SH3TC2: variants seen among roughly 807,000 people sequenced by gnomAD.
SH3TC2 encodes the protein SH3 domain and tetratricopeptide repeats 2, also known as SH3 domain and tetratricopeptide repeat-containing protein 2.
A neutral mutation model predicts 124.5 loss-of-function variants in SH3TC2; 87 were observed. The observed-to-expected ratio is 0.70, with a 90% CI of 0.59 to 0.84. The LOEUF (loss-of-function observed/expected upper bound fraction) is 0.84, where lower values mean the gene tolerates loss of function less well. SH3TC2 is among the 40% of genes least tolerant of loss of function. The pLI, the probability that SH3TC2 is intolerant of heterozygous loss-of-function variation, is 0.00. For missense variants in SH3TC2, 1,536 were observed against 1,566.4 expected (o/e 0.98, Z 0.33); for synonymous variants, 634 against 628.5 (o/e 1.01, Z -0.13).
At chr5:149,061,986 G>A (rs1430226192) in intron 1 of SH3TC2, among the ~76,000 whole-genome samples, 1 of 152,006 alleles carries the variant, frequency 6.6e-6, no homozygotes, top group Non-Finnish European at 1.5e-5. Context: ...GGTTGTTTTG[G>A]GTTCACTTTA....
At position 149,024,129 on chromosome 5, in the gene SH3TC2, C is replaced by T. The variant is rs75616529; in HGVS notation, c.3053+2443G>A. ...GACCAAAAAGCCTGCCTCCAAGCTG[C>T]AAACACCTTTCTTTCCTTACCTGAG... On this transcript the variant is annotated intron_variant, in intron 12 of 16. Coordinates refer to ENST00000515425, the MANE Select transcript of SH3TC2 (RefSeq NM_024577.4). Among the ~76,000 whole-genome samples, 1,346 of 152,288 alleles carry T rather than the reference C, an allele frequency of 8.8e-3. 12 individuals are homozygous for T. The highest frequency in any genetic ancestry group is 0.031 in the African/African-American group (1,268 of 41,550).
rs1196046270 is a variant in SH3TC2 at position 149,028,129 on chromosome 5, C to G, written c.1603G>C (p.Gly535Arg). Reference sequence around the variant, plus strand: ...TTGACCTTCCTGATGCTCAGCCGGCCCAGGAGGAAGCAGAGACGGGCATGG... The same window carrying G: ...TTGACCTTCCTGATGCTCAGCCGGCGCAGGAGGAAGCAGAGACGGGCATGG... ...WAHARLCFLL[G>R]RLSIRKVKLS... Residue 535 changes from glycine (G) to arginine (R), a missense_variant, in exon 11 of 17, where the codon GGC becomes CGC. Transcript: ENST00000515425. 2 of 1,613,976 alleles carry G rather than the reference C, an allele frequency of 1.2e-6. No individual in the cohort carries two copies. Among genetic ancestry groups the G allele is most frequent in the Admixed American group, 1.7e-5 (1 of 60,014 alleles).
At chr5:149,035,558 T>A (rs1283229360) in intron 8 of SH3TC2, 3 of 152,566 alleles carry the variant, frequency 2.0e-5, no homozygotes, top group Admixed American at 1.3e-4. Flanking sequence ...TCAAAACCCA[T>A]CCCTCTGTTG....
At chr5:149,025,834 A>G (rs1754053408) in intron 12 of SH3TC2, 1 of 152,272 alleles carries the variant, frequency 6.6e-6, no homozygotes. Flanking sequence ...GGTAGTCCTA[A>G]AAAATCAATC....
intron 12 of SH3TC2, among the ~76,000 whole-genome samples, chr5:149,014,342 T>C (rs746489631): frequency 6.6e-6 from 1 of 152,292 alleles, no homozygotes; most frequent in Admixed American, 6.5e-5. Context: ...CAGTAAACCA[T>C]GCAACTCTTC....
intron 5 of SH3TC2, 134 bp downstream of exon 5, chr5:149,042,560 T>C (rs1754389446): frequency 9.3e-7 from 1 of 1,071,530 alleles, no homozygotes; most frequent in African/African-American, 1.6e-5. Context: ...AAAGTACTAT[T>C]ATAACAGGTG....
At chr5:149,033,527 G>C (rs967790717) in intron 8 of SH3TC2, among the ~76,000 whole-genome samples, 1 of 152,200 alleles carries the variant, frequency 6.6e-6, no homozygotes, top group Non-Finnish European at 1.5e-5. Flanking sequence ...GGTGGTTTCA[G>C]CTGGGACTCT....
rs773045578 is a variant in SH3TC2, at chr5:149,008,927, C to T, written c.3402G>A (p.Glu1134=). 1 of 1,614,244 alleles carries T rather than the reference C, an allele frequency of 6.2e-7. No individual in the cohort carries two copies. The highest frequency in any genetic ancestry group is 8.5e-7 in the Non-Finnish European group (1 of 1,180,052). The change falls in exon 15 of 17, where the codon GAG becomes GAA. Residue 1134 remains glutamate, a synonymous_variant. Transcript: ENST00000515425. ...CATAGCCTTCGAGGCTAATCTGCAG[C>T]TCTGTCAGCTTATTGAAAATCCGGA... The part of the protein sequence containing the change: ...TELRIFNKLT[E]LQISLEGYEK...
At position 149,027,169 on chromosome 5, in the gene SH3TC2, C is replaced by T. The variant is rs1253383186; in HGVS notation, c.2563G>A (p.Ala855Thr). ...AAGGCCCGAAGATAGCTCTTGGCTG[C>T]CCTGTTCACCCGGCCTTCACCTTGG... Reference protein sequence around the residue: ...ALQGEGRVNRAAKSYLRALNR... With the variant: ...ALQGEGRVNRTAKSYLRALNR... Residue 855 changes from alanine to threonine, a missense_variant, in exon 11 of 17, where the codon GCA (alanine) becomes ACA (threonine). Physicochemically the swap from Ala to Thr is moderately conservative, Grantham distance 58 (BLOSUM62 0). This residue lies in a region of SH3TC2 where 1,102 missense variants were observed against 1,098.6 expected (regional missense o/e 1.00). Coordinates refer to ENST00000515425, the MANE Select transcript of SH3TC2 (RefSeq NM_024577.4). The T allele has an allele frequency of 1.2e-6, 2 of 1,614,198 alleles. No homozygotes were observed. Among genetic ancestry groups the T allele is most frequent in the South Asian group, 2.2e-5 (2 of 91,074 alleles).
chr5:149,044,744 AT>A, intron 3 of SH3TC2, 106 bp from the exon 4 acceptor site: 1 of 818,684 alleles, frequency 1.2e-6, no homozygotes, highest in Non-Finnish European at 2.1e-6. Context: ...TATGGCATTG[AT>A]TTTTACGTCA....
chr5:149,023,996 A>G (rs1754022398), intron 12 of SH3TC2, among the ~76,000 whole-genome samples: 1 of 152,162 alleles, frequency 6.6e-6, no homozygotes, highest in African/African-American at 2.4e-5. Flanking sequence ...GAAAAGATGC[A>G]CTGTGTTCTG....
rs1469875309 is a variant in SH3TC2 at position 149,027,039 on chromosome 5, T to C, written c.2693A>G (p.Tyr898Cys). ...KSWAQHPARN[Y>C]LLQAVRLYCE... is the part of the protein sequence containing the mutation. ...ATAGAGTCGTACAGCCTGCAGGAGATAGTTTCTGGCTGGATGCTGAGCCCA... is the reference window on the plus strand; with the variant it reads ...ATAGAGTCGTACAGCCTGCAGGAGACAGTTTCTGGCTGGATGCTGAGCCCA... The change falls in exon 11 of 17, where the codon TAT (tyrosine) becomes TGT (cysteine). Residue 898 changes from tyrosine to cysteine, a missense_variant. This residue lies in a region of SH3TC2 where 1,102 missense variants were observed against 1,098.6 expected (regional missense o/e 1.00). Coordinates refer to ENST00000515425, the MANE Select transcript of SH3TC2 (RefSeq NM_024577.4). The C allele has an allele frequency of 1.2e-6, 2 of 1,614,026 alleles. No individual in the cohort carries two copies. The highest frequency in any genetic ancestry group is 2.2e-5 in the East Asian group (1 of 44,894).
Position 148,987,155 on chromosome 5 carries a change from T to A in SH3TC2, c.*17556A>T, listed in dbSNP as rs1019793150. ...AATGTGTAAATCAAATGCTTCTAAATTTAATTTGATTTAAATTATTTTAAC... is the reference window on the plus strand; with the variant it reads ...AATGTGTAAATCAAATGCTTCTAAAATTAATTTGATTTAAATTATTTTAAC... On this transcript the variant is annotated 3_prime_UTR_variant, in exon 17 of 17. Transcript: ENST00000515425. Among the ~76,000 whole-genome samples the A allele has an allele frequency of 3.9e-5, 6 of 152,234 alleles. No individual in the cohort carries two copies. Among genetic ancestry groups the A allele is most frequent in the Admixed American group, 1.3e-4 (2 of 15,292 alleles).
intron 14 of SH3TC2, 32 bp downstream of exon 14, chr5:149,010,238 C>T (rs1245968279): frequency 6.2e-7 from 1 of 1,614,030 alleles, no homozygotes; most frequent in African/African-American, 1.3e-5. Context: ...GTGCCAGGAC[C>T]TGTCTCAGCA....
chr5:149,042,733 G>T lies in SH3TC2; in HGVS notation c.490C>A (p.His164Asn), dbSNP rs774721593. 1 of 1,614,136 alleles carries T rather than the reference G, an allele frequency of 6.2e-7. No individual in the cohort carries two copies. Among genetic ancestry groups the T allele is most frequent in the South Asian group, 1.1e-5 (1 of 91,088 alleles). Residue 164 changes from histidine to asparagine, a missense_variant, in exon 5 of 17, where the codon CAC (histidine) becomes AAC (asparagine). Transcript: ENST00000515425. ...TEIQVSVDDK[H>N]LETIYLGLLI... is the part of the protein sequence containing the mutation. The stretch of plus-strand genomic sequence containing the variant: ...AGTCCCAGGTATATTGTTTCCAGGT[G>T]TTTATCATCTACAGACACTTGGATC...
At chr5:149,044,749 T>C in intron 3 of SH3TC2, 111 bp from the exon 4 acceptor site, 1 of 778,934 alleles carries the variant, frequency 1.3e-6, no homozygotes, top group East Asian at 2.7e-5. Context: ...CATTGATTTT[T>C]ACGTCACCAA....
At chr5:149,019,952 C>T (rs116177959) in intron 12 of SH3TC2, among the ~76,000 whole-genome samples, 1 of 152,194 alleles carries the variant, frequency 6.6e-6, no homozygotes, top group East Asian at 1.9e-4. Flanking sequence ...CCCTGGAAGC[C>T]TCTGCTCACA....
intron 12 of SH3TC2, among the ~76,000 whole-genome samples, chr5:149,021,226 C>A (rs991561492): frequency 6.6e-6 from 1 of 152,014 alleles, no homozygotes; most frequent in Non-Finnish European, 1.5e-5. Context: ...TTAGAAACTA[C>A]TTTGAGATGA....
intron 14 of SH3TC2, among the ~76,000 whole-genome samples, chr5:149,009,545 G>T (rs142813069): frequency 1.1e-3 from 167 of 152,238 alleles, no homozygotes; most frequent in African/African-American, 3.8e-3. Flanking sequence ...TCAGTGCCTG[G>T]CACAGACTGG....
Sources: allele counts gnomAD v4.1 joint callset (sites outside exome capture counted in the v4.1 genomes callset), GRCh38; gene constraint gnomAD v4.1.1; regional missense constraint gnomAD v4.1.1; transcripts MANE v1.5; gene names NCBI Gene and HGNC (gene_info 2026-07-23, HGNC 2026-07-21).